Variants in AGPAT5 observed in about 807,000 individuals in gnomAD.
AGPAT5 encodes 1-acyl-sn-glycerol-3-phosphate acyltransferase epsilon.
In AGPAT5, 46 loss-of-function variants were observed where a neutral mutation model predicts 45.6. The ratio of observed to expected loss-of-function variants is 1.01; its 90% confidence interval spans 0.80 to 1.29. The LOEUF is 1.29. Among genes scored for constraint, AGPAT5 ranks in the 50% most tolerant of loss-of-function variants. AGPAT5 has a pLI of 0.00. For missense variants in AGPAT5, 673 were observed against 450.7 expected, an observed-to-expected ratio of 1.49 and a Z score of -4.47; for synonymous variants, 272 against 167.0, an observed-to-expected ratio of 1.63 and a Z score of -4.85.
In AGPAT5 at chr8:6,735,848, C is replaced by CTTTTTTTTTTTTT. The variant is rs1563295313; in HGVS notation, c.495+3198_495+3199insTTTTTTTTTTTTT. On this transcript the variant is annotated intron_variant, in intron 4 of 7. Coordinates refer to ENST00000285518, the MANE Select transcript of AGPAT5 (RefSeq NM_018361.5). ...GTGTTCCTGTTTATTCTTTATATAG[C>CTTTTTTTTTTTTT]CTTTTTTTTTTTTTTTTTTTTTTTG... is the stretch of plus-strand genomic sequence containing the variant. Among the ~76,000 whole-genome samples the CTTTTTTTTTTTTT allele has an allele frequency of 3.2e-4, 17 of 53,612 alleles. 3 individuals carry two copies. Among genetic ancestry groups the CTTTTTTTTTTTTT allele is most frequent in the Admixed American group, 2.9e-4 (1 of 3,418 alleles). The allele number at this position is 53,612 out of a possible 152,430, so 35.2% of individuals were successfully genotyped here.
intron 4 of AGPAT5, among the ~76,000 whole-genome samples, chr8:6,733,960 C>G (rs903016987): frequency 1.4e-4 from 21 of 152,284 alleles, no homozygotes; most frequent in African/African-American, 4.6e-4. Flanking sequence ...CTGAAAAAAT[C>G]AGCTCTTTAC....
At chr8:6,711,058 A>G (rs1719205950) in intron 1 of AGPAT5, among the ~76,000 whole-genome samples, 1 of 152,120 alleles carries the variant, frequency 6.6e-6, no homozygotes, top group Non-Finnish European at 1.5e-5. Flanking sequence ...AGGTTTATTA[A>G]TTTATATATA....
Position 6,757,204 on chromosome 8 carries a change from GA to G in AGPAT5, c.916del (p.Arg306AspfsTer11). 1 of 1,614,080 alleles carries G rather than the reference GA, an allele frequency of 6.2e-7. No individual in the cohort carries two copies. The highest frequency in any genetic ancestry group is 8.5e-7 in the Non-Finnish European group (1 of 1,180,002). On this transcript the variant is annotated frameshift_variant, in exon 8 of 8. Coordinates refer to ENST00000285518, the MANE Select transcript of AGPAT5 (RefSeq NM_018361.5). LOFTEE classifies it high-confidence loss of function. ...TATGAGTCACCAGATCCAGAAAGAA[GA>G]AAAAGATTTCCTGGGAAAAGTGTTA... Reference protein sequence around the residue: ...EFYESPDPERRKRFPGKSVNS... With the variant: ...EFYESPDPERXKRFPGKSVNS...
intron 1 of AGPAT5, among the ~76,000 whole-genome samples, chr8:6,715,329 G>A (rs1439583775): frequency 2.6e-5 from 4 of 152,228 alleles, no homozygotes; most frequent in Admixed American, 2.6e-4. Context: ...ATCCAGGTGA[G>A]AAATGATGGT....
chr8:6,743,981 G>A, intron 5 of AGPAT5, among the ~76,000 whole-genome samples: 1 of 151,982 alleles, frequency 6.6e-6, no homozygotes, highest in East Asian at 1.9e-4. Context: ...GGAGAACAAA[G>A]GGAATAAGCT....
At chr8:6,727,745 T>A (rs1448022124) in intron 2 of AGPAT5, among the ~76,000 whole-genome samples, 3 of 152,212 alleles carry the variant, frequency 2.0e-5, no homozygotes, top group Admixed American at 2.0e-4. Context: ...ACTTTTCTTG[T>A]TGAACAGCAT....
chr8:6,735,707 G>A (rs1240692989), intron 4 of AGPAT5, among the ~76,000 whole-genome samples: 2 of 152,084 alleles, frequency 1.3e-5, no homozygotes, highest in Non-Finnish European at 2.9e-5. Context: ...TGTAGGGTTG[G>A]CAGTAGTATT....
At chr8:6,740,510 T>C (rs1442896270) in intron 4 of AGPAT5, among the ~76,000 whole-genome samples, 1 of 148,332 alleles carries the variant, frequency 6.7e-6, no homozygotes, top group East Asian at 1.9e-4. Context: ...TTATTAAAAA[T>C]AATATAAATT....
chr8:6,709,163 G>A (rs1800048828), intron 1 of AGPAT5: 1 of 528,722 alleles, frequency 1.9e-6, no homozygotes, highest in Non-Finnish European at 3.4e-6. Flanking sequence ...GCTTAGCAAA[G>A]TGGGTGCAGA....
intron 4 of AGPAT5, among the ~76,000 whole-genome samples, chr8:6,733,417 G>A (rs989679461): frequency 6.6e-5 from 10 of 152,150 alleles, no homozygotes; most frequent in Admixed American, 3.3e-4. Flanking sequence ...AATTCTTCAC[G>A]GTCAGCTGGC....
chr8:6,735,397 G>A (rs1209707959), intron 4 of AGPAT5, among the ~76,000 whole-genome samples: 3 of 152,186 alleles, frequency 2.0e-5, no homozygotes, highest in Non-Finnish European at 4.4e-5. Context: ...TACACAGGAG[G>A]TCTGTGGGTC....
chr8:6,724,508 T>A (rs558909183), intron 1 of AGPAT5, among the ~76,000 whole-genome samples: 70 of 152,360 alleles, frequency 4.6e-4, no homozygotes, highest in African/African-American at 1.6e-3. Context: ...TATGTCTCAT[T>A]ACAGTTCCTG....
intron 5 of AGPAT5, among the ~76,000 whole-genome samples, chr8:6,743,607 A>C (rs1247056758): frequency 6.6e-6 from 1 of 152,214 alleles, no homozygotes; most frequent in Non-Finnish European, 1.5e-5. Flanking sequence ...AAGTGCAGGC[A>C]CTGTGGTAAT....
Position 6,757,494 on chromosome 8 carries a change from C to T in AGPAT5, c.*106C>T, listed in dbSNP as rs976677196. 1.2e-6 allele frequency: 1 copy of T among 862,636 alleles called. No homozygotes were observed. Among genetic ancestry groups the T allele is most frequent in the East Asian group, 2.5e-5 (1 of 39,720 alleles). 53.4% of individuals were successfully genotyped at this position (862,636 alleles called of 1,614,324 possible). On this transcript the variant is annotated 3_prime_UTR_variant, in exon 8 of 8. Coordinates refer to ENST00000285518, the MANE Select transcript of AGPAT5 (RefSeq NM_018361.5). ...AATTTATTAAGGAGTGTAAATAAAG[C>T]CTTGTTGATTGAAGATTGGATAATA... is the stretch of plus-strand genomic sequence containing the variant.
Position 6,747,689 on chromosome 8 carries a change from T to C in AGPAT5, c.606T>C (p.His202=), listed in dbSNP as rs1801521351. The change falls in exon 6 of 8, where the codon CAT becomes CAC. Residue 202 remains histidine, a synonymous_variant. Coordinates refer to ENST00000285518, the MANE Select transcript of AGPAT5 (RefSeq NM_018361.5). ...AAQRGLAVLK[H]VLTPRIKATH... Reference sequence around the variant, plus strand: ...TTCTAGGCCTTGCAGTATTAAAACATGTGCTAACACCACGAATAAAGGCAA... The same window carrying C: ...TTCTAGGCCTTGCAGTATTAAAACACGTGCTAACACCACGAATAAAGGCAA... The C allele has an allele frequency of 6.2e-7, 1 of 1,613,868 alleles. No individual in the cohort carries two copies. The highest frequency in any genetic ancestry group is 1.3e-5 in the African/African-American group (1 of 74,938).
rs1398618938 is a variant in AGPAT5 at position 6,760,060 on chromosome 8, AT to A, written c.*2676del. On this transcript the variant is annotated 3_prime_UTR_variant, in exon 8 of 8. Transcript: ENST00000285518. ...ATTTTTAAAATTTAGAGTGGCAACA[AT>A]TTTGCTTAATATGGGTTACATAAGC... 6.6e-6 allele frequency among the ~76,000 whole-genome samples: 1 copy of A among 152,118 alleles called. No homozygotes were observed. The highest frequency in any genetic ancestry group is 2.4e-5 in the African/African-American group (1 of 41,432).
chr8:6,730,850 C>G lies in AGPAT5; in HGVS notation c.405+24C>G, dbSNP rs575714153. ...AGGTAACTTGTTTCCATGCTTTTCT[C>G]TCTATATATGTAGTTTATAAATTTT... On this transcript the variant is annotated intron_variant, in intron 3 of 7. Coordinates refer to ENST00000285518, the MANE Select transcript of AGPAT5 (RefSeq NM_018361.5). The G allele has an allele frequency of 2.0e-6, 3 of 1,496,072 alleles. No homozygotes were observed. The South Asian group carries it at 3.4e-5, about 17-fold the overall frequency. 92.7% of individuals were successfully genotyped at this position (1,496,072 alleles called of 1,614,324 possible).
chr8:6,754,752 C>G (rs1046094817), intron 6 of AGPAT5, among the ~76,000 whole-genome samples: 1 of 152,082 alleles, frequency 6.6e-6, no homozygotes, highest in Non-Finnish European at 1.5e-5. Context: ...CCTGGGCTGT[C>G]TATAGCACTA....
At chr8:6,718,868 T>C (rs1298138102) in intron 1 of AGPAT5, among the ~76,000 whole-genome samples, 1 of 152,234 alleles carries the variant, frequency 6.6e-6, no homozygotes, top group East Asian at 1.9e-4. Context: ...TATAGGCTTA[T>C]GTCCTTGAGA....
Sources: allele counts gnomAD v4.1 joint callset (sites outside exome capture counted in the v4.1 genomes callset), GRCh38; gene constraint gnomAD v4.1.1; transcripts MANE v1.5; gene names NCBI Gene and HGNC (gene_info 2026-07-23, HGNC 2026-07-21).